Variants in DNMT1 observed in about 807,000 individuals in gnomAD.
DNMT1 encodes the protein DNA (cytosine-5)-methyltransferase 1.
DNMT1 carries 24 observed loss-of-function variants against 205.3 expected under a neutral mutation model. That is an observed-to-expected ratio of 0.12 (90% CI 0.08 to 0.16). The LOEUF is 0.16. DNMT1 is among the 10% of genes least tolerant of loss of function. The pLI, the probability that DNMT1 is intolerant of heterozygous loss-of-function variation, is 1.00. For synonymous variants in DNMT1, 817 were observed against 839.8 expected, an observed-to-expected ratio of 0.97 and a Z score of 0.47; for missense variants, 1,293 against 2,177.7, an observed-to-expected ratio of 0.59 and a Z score of 8.09.
intron 9 of DNMT1, among the ~76,000 whole-genome samples, chr19:10,169,072 C>T (rs1049448897): frequency 8.5e-5 from 13 of 152,058 alleles, no homozygotes; most frequent in Non-Finnish European, 1.8e-4. Context: ...TCAAGTGATC[C>T]GTCTGCCTTG....
At chr19:10,162,865 A>T in intron 12 of DNMT1, 117 bp from the exon 13 acceptor site, 2 of 1,104,736 alleles carry the variant, frequency 1.8e-6, no homozygotes, top group Admixed American at 1.9e-5. Context: ...TACCCATGGG[A>T]GCTCTATAGG....
chr19:10,141,036 T>C (rs1420735806), intron 31 of DNMT1, 69 bp downstream of exon 31: 9 of 1,612,846 alleles, frequency 5.6e-6, no homozygotes, highest in Admixed American at 3.3e-5. Flanking sequence ...GGTTTTACAC[T>C]GAGGGATTCA....
In DNMT1 at chr19:10,143,749, C is replaced by T; in HGVS notation, c.3116+17G>A. The T allele has an allele frequency of 1.2e-6, 2 of 1,613,358 alleles. No homozygotes were observed. The highest frequency in any genetic ancestry group is 1.1e-5 in the South Asian group (1 of 91,064). On this transcript the variant is annotated intron_variant, in intron 29 of 40. Coordinates refer to ENST00000359526, the MANE Select transcript of DNMT1 (RefSeq NM_001130823.3). ...AAGAGTCTGTGGCCTCGTGGAAGAACAGAGGCCTCTGCTGACCTGTAGAAC... is the reference window on the plus strand; with the variant it reads ...AAGAGTCTGTGGCCTCGTGGAAGAATAGAGGCCTCTGCTGACCTGTAGAAC...
intron 1 of DNMT1, among the ~76,000 whole-genome samples, chr19:10,186,659 A>G (rs941969328): frequency 2.0e-5 from 3 of 151,762 alleles, no homozygotes; most frequent in African/African-American, 7.3e-5. Context: ...ACCAACATGA[A>G]GAAACTTCGT....
chr19:10,171,906 C>T (rs763426068), intron 9 of DNMT1, among the ~76,000 whole-genome samples: 39 of 151,564 alleles, frequency 2.6e-4, no homozygotes, highest in Non-Finnish European at 5.2e-4. Context: ...AGTTGGGAGG[C>T]TGGGACATGA....
intron 6 of DNMT1, among the ~76,000 whole-genome samples, chr19:10,177,040 T>C (rs780622503): frequency 1.3e-5 from 2 of 152,148 alleles, no homozygotes; most frequent in African/African-American, 2.4e-5. Flanking sequence ...TTGATAACTG[T>C]TGGCACTAGA....
chr19:10,138,802 T>G lies in DNMT1; in HGVS notation c.3949-197A>C, dbSNP rs1207445455. On this transcript the variant is annotated intron_variant, in intron 34 of 40. Transcript: ENST00000359526. The surrounding 1 kb of genome is among the most constrained non-coding windows in gnomAD (Gnocchi z 4.1). ...GGAGCAGATAAAGAACAAAAGCAGC[T>G]GAGCCCAGGGGACAGCCACTGGGGA... Among the ~76,000 whole-genome samples the G allele has an allele frequency of 6.6e-6, 1 of 152,184 alleles. No individual in the cohort carries two copies. The highest frequency in any genetic ancestry group is 6.5e-5 in the Admixed American group (1 of 15,276).
intron 8 of DNMT1, 104 bp downstream of exon 8, chr19:10,173,767 C>T (rs532963943): frequency 1.0e-5 from 13 of 1,274,672 alleles, no homozygotes; most frequent in Middle Eastern, 1.9e-4. Flanking sequence ...GCTGAGATTA[C>T]AGGCATGAGT....
chr19:10,151,270 G>C lies in DNMT1; in HGVS notation c.2265+128C>G, dbSNP rs539443798. 7.2e-7 allele frequency: 1 copy of C among 1,393,318 alleles called. No homozygotes were observed. The highest frequency in any genetic ancestry group is 2.3e-5 in the East Asian group (1 of 43,864). 86.3% of individuals were successfully genotyped at this position (1,393,318 alleles called of 1,614,324 possible). ...TCTTGGCCAGTCCCGCTCTTCTCAG[G>C]GGCAAACAGACAGGTTTCTTAGTGC... On this transcript the variant is annotated intron_variant, in intron 24 of 40. Transcript: ENST00000359526. This position sits in a 1 kb window ranked among gnomAD's most constrained non-coding sequence, Gnocchi z 5.0.
chr19:10,165,203 C>A (rs1004470686), intron 11 of DNMT1, among the ~76,000 whole-genome samples: 1 of 151,928 alleles, frequency 6.6e-6, no homozygotes, highest in Non-Finnish European at 1.5e-5. Flanking sequence ...CCTGGGAGGT[C>A]GAGGCTACAG....
In DNMT1 at chr19:10,137,874, C is replaced by T. The variant is rs1004025205; in HGVS notation, c.4251G>A (p.Arg1417=). The change falls in exon 36 of 41, where the codon CGG becomes CGA. Residue 1417 remains arginine (R), a synonymous_variant. Coordinates refer to ENST00000359526, the MANE Select transcript of DNMT1 (RefSeq NM_001130823.3). This position sits in a 1 kb window ranked among gnomAD's most constrained non-coding sequence, Gnocchi z 6.4. ...EPQSWFQRQL[R]GAQYQPILRD... is the part of the protein sequence containing the mutation. ...TGAGGATGGGCTGGTACTGTGCGCC[C>T]CGGAGCTGCCTCTGGAACCAGGACT... 2 of 1,613,428 alleles carry T rather than the reference C, an allele frequency of 1.2e-6. No homozygotes were observed.
At chr19:10,161,136 C>T (rs1184757816) in intron 13 of DNMT1, among the ~76,000 whole-genome samples, 1 of 152,078 alleles carries the variant, frequency 6.6e-6, no homozygotes, top group Non-Finnish European at 1.5e-5. Flanking sequence ...GAAACCCTGT[C>T]TCTACTAAAA....
intron 2 of DNMT1, 98 bp from the exon 3 acceptor site, chr19:10,180,983 G>T: frequency 1.1e-6 from 1 of 949,764 alleles, no homozygotes; most frequent in Non-Finnish European, 1.7e-6. Context: ...ACATCACAAT[G>T]AGTGAATGGC....
In DNMT1 at chr19:10,142,031, G is replaced by A. The variant is rs1330094117; in HGVS notation, c.3306C>T (p.Leu1102=). ...CTCTAGCAAGCAGGGGCACCACCTC[G>A]AGGAAGTAGAAGCGGTTGGGGCCGC... ...SMGGPNRFYF[L]EAYNAKSKSF... The change falls in exon 30 of 41, where the codon CTC becomes CTT. Residue 1102 remains leucine (L), a synonymous_variant. Transcript: ENST00000359526. 6.2e-6 allele frequency: 10 copies of A among 1,612,284 alleles called. No individual in the cohort carries two copies. The highest frequency in any genetic ancestry group is 5.0e-5 in the Admixed American group (3 of 59,946).
At chr19:10,169,088 C>G (rs1006336592) in intron 9 of DNMT1, among the ~76,000 whole-genome samples, 3 of 152,054 alleles carry the variant, frequency 2.0e-5, no homozygotes, top group Non-Finnish European at 4.4e-5. Context: ...CCTTGGTCTC[C>G]CAAAGTGCTG....
At chr19:10,136,874 G>A (rs985196079) in intron 37 of DNMT1, among the ~76,000 whole-genome samples, 4 of 151,716 alleles carry the variant, frequency 2.6e-5, no homozygotes, top group African/African-American at 7.3e-5. Context: ...TGATCCTCCC[G>A]CCTTGGTTTC....
At chr19:10,175,671 G>C in intron 6 of DNMT1, 53 bp from the exon 7 acceptor site, 1 of 1,581,932 alleles carries the variant, frequency 6.3e-7, no homozygotes, top group Non-Finnish European at 8.7e-7. Flanking sequence ...TAGGCCTCCA[G>C]CTGGCCTGAA....
intron 1 of DNMT1, among the ~76,000 whole-genome samples, chr19:10,183,241 G>A (rs936077700): frequency 6.6e-6 from 1 of 151,108 alleles, no homozygotes; most frequent in African/African-American, 2.4e-5. Context: ...TCAGCCTCCC[G>A]AGTAGCTGGG....
At chr19:10,147,176 C>G (rs1336392392) in intron 27 of DNMT1, among the ~76,000 whole-genome samples, 1 of 152,062 alleles carries the variant, frequency 6.6e-6, no homozygotes, top group African/African-American at 2.4e-5. Context: ...GCAGGAAGAT[C>G]ACTTGAGCCC....
Sources: allele counts gnomAD v4.1 joint callset (sites outside exome capture counted in the v4.1 genomes callset), GRCh38; gene constraint gnomAD v4.1.1; non-coding constraint Gnocchi (gnomAD v3.1); transcripts MANE v1.5; gene names NCBI Gene and HGNC (gene_info 2026-07-23, HGNC 2026-07-21).